TMEM117: variants seen among roughly 807,000 people sequenced by gnomAD.
TMEM117 encodes the protein transmembrane protein 117.
Under a neutral mutation model 52.4 loss-of-function variants are expected in TMEM117, and 27 were observed. The observed-to-expected ratio is 0.51, with a 90% CI of 0.38 to 0.71. The LOEUF is 0.71. Ranked by LOEUF, TMEM117 falls within the 30% of genes least tolerant of loss-of-function variation. The pLI is 0.00. For missense variants in TMEM117, 556 were observed against 630.5 expected, an observed-to-expected ratio of 0.88 and a Z score of 1.26; for synonymous variants, 215 against 206.3, an observed-to-expected ratio of 1.04 and a Z score of -0.36.
At chr12:43,836,890 T>G (rs1943040666) in intron 1 of TMEM117, among the ~76,000 whole-genome samples, 1 of 152,090 alleles carries the variant, frequency 6.6e-6, no homozygotes, top group Non-Finnish European at 1.5e-5. Flanking sequence ...TAAAAGTATG[T>G]TGAATATAAG....
At chr12:44,052,270 A>G (rs1946986174) in intron 3 of TMEM117, among the ~76,000 whole-genome samples, 2 of 152,076 alleles carry the variant, frequency 1.3e-5, no homozygotes. Context: ...GCCATATCTC[A>G]TGACTTTTCT....
chr12:43,805,519 A>G, the TMEM117 span: 2 of 456,182 alleles, frequency 4.4e-6, no homozygotes, highest in Non-Finnish European at 8.8e-6. Flanking sequence ...TGATGAGGTG[A>G]GTACCTGCAG....
the TMEM117 span, among the ~76,000 whole-genome samples, chr12:43,817,373 C>T: frequency 6.6e-6 from 1 of 152,076 alleles, no homozygotes; most frequent in Non-Finnish European, 1.5e-5. Flanking sequence ...AGGAGATATT[C>T]CCTTGATTAT....
intron 6 of TMEM117, among the ~76,000 whole-genome samples, chr12:44,338,610 A>T (rs1520838): frequency 0.58 from 88,244 of 151,886 alleles, 26,016 homozygotes; most frequent in East Asian, 0.9. Context: ...ATTAAAAAAA[A>T]ATATAAATGA....
intron 6 of TMEM117, among the ~76,000 whole-genome samples, chr12:44,330,150 A>G (rs1033415692): frequency 2.0e-5 from 3 of 151,928 alleles, no homozygotes; most frequent in Non-Finnish European, 4.4e-5. Flanking sequence ...ATCCTCTCCA[A>G]CACTGTTATT....
chr12:43,863,976 C>T (rs1204870268), intron 2 of TMEM117, among the ~76,000 whole-genome samples: 3 of 152,192 alleles, frequency 2.0e-5, no homozygotes, highest in South Asian at 2.1e-4. Context: ...ATGGGCTTGG[C>T]GGCCCCACAC....
rs544536468 is a variant in TMEM117, at chr12:44,218,804, A to G, written c.608+7417A>G. On this transcript the variant is annotated intron_variant, in intron 5 of 7. Transcript: ENST00000266534. ...GCAACTATCATTCAGTGCTTCCTGT[A>G]TTCCTGGTACTGGGCTTTTCACATT... Among the ~76,000 whole-genome samples the G allele has an allele frequency of 3.9e-5, 6 of 152,284 alleles. No individual in the cohort carries two copies. The East Asian group carries it at 1.2e-3, about 29-fold the overall frequency.
chr12:44,135,734 T>G (rs1948480696), intron 3 of TMEM117, among the ~76,000 whole-genome samples: 1 of 152,132 alleles, frequency 6.6e-6, no homozygotes, highest in Non-Finnish European at 1.5e-5. Context: ...ACAAGAACAG[T>G]CTCATTTTTC....
intron 3 of TMEM117, among the ~76,000 whole-genome samples, chr12:44,120,760 G>A (rs569037635): frequency 3.3e-5 from 5 of 152,218 alleles, no homozygotes; most frequent in African/African-American, 9.6e-5. Flanking sequence ...TTAGGACCTC[G>A]TCCTGGTTTC....
At chr12:44,288,591 TCA>T (rs983400987) in intron 5 of TMEM117, among the ~76,000 whole-genome samples, 4 of 152,124 alleles carry the variant, frequency 2.6e-5, no homozygotes, top group African/African-American at 9.7e-5. Context: ...CAGGAATCTC[TCA>T]CACAAAATGT....
intron 4 of TMEM117, among the ~76,000 whole-genome samples, chr12:44,180,998 A>G (rs1295521257): frequency 2.6e-5 from 4 of 152,134 alleles, no homozygotes; most frequent in East Asian, 3.9e-4. Flanking sequence ...ATTTCTCCAC[A>G]TCCTCTCCAG....
chr12:44,297,909 T>C (rs1318578842), intron 5 of TMEM117, among the ~76,000 whole-genome samples: 1 of 152,208 alleles, frequency 6.6e-6, no homozygotes, highest in African/African-American at 2.4e-5. Flanking sequence ...TTTAATTCAT[T>C]TGAATTTTTG....
chr12:44,313,863 G>T (rs1436641150), intron 6 of TMEM117, among the ~76,000 whole-genome samples: 1 of 151,888 alleles, frequency 6.6e-6, no homozygotes, highest in African/African-American at 2.4e-5. Context: ...GTGTGGGTGG[G>T]TATTGTAAGT....
chr12:44,277,464 G>A (rs1209576490), intron 5 of TMEM117, among the ~76,000 whole-genome samples: 1 of 152,038 alleles, frequency 6.6e-6, no homozygotes, highest in African/African-American at 2.4e-5. Flanking sequence ...TCAAAAGTTT[G>A]TTGAGACATG....
chr12:44,278,518 T>C (rs531211023), intron 5 of TMEM117, among the ~76,000 whole-genome samples: 13 of 152,352 alleles, frequency 8.5e-5, no homozygotes, highest in African/African-American at 2.9e-4. Context: ...AAGCATGCCA[T>C]ACATATATTA....
intron 3 of TMEM117, among the ~76,000 whole-genome samples, chr12:43,954,040 G>A (rs994965317): frequency 6.6e-6 from 1 of 152,176 alleles, no homozygotes; most frequent in African/African-American, 2.4e-5. Flanking sequence ...TGAACAACCT[G>A]TTCCTGAATG....
chr12:43,857,827 G>A (rs1290174160), intron 2 of TMEM117, among the ~76,000 whole-genome samples: 1 of 152,184 alleles, frequency 6.6e-6, no homozygotes, highest in Non-Finnish European at 1.5e-5. Flanking sequence ...CTTGAGAGGT[G>A]TGATGAACTA....
chr12:44,127,462 AG>A (rs2138156741), intron 3 of TMEM117, among the ~76,000 whole-genome samples: 1 of 152,240 alleles, frequency 6.6e-6, no homozygotes, highest in South Asian at 2.1e-4. Context: ...AAATCACCTG[AG>A]GTCAAGAGTT....
chr12:44,373,637 A>T (rs1023960536), intron 6 of TMEM117, among the ~76,000 whole-genome samples: 1 of 152,102 alleles, frequency 6.6e-6, no homozygotes, highest in Non-Finnish European at 1.5e-5. Context: ...GGAGCTTGTG[A>T]GGCTGACATA....
Sources: allele counts gnomAD v4.1 joint callset (sites outside exome capture counted in the v4.1 genomes callset), GRCh38; gene constraint gnomAD v4.1.1; transcripts MANE v1.5; gene names NCBI Gene and HGNC (gene_info 2026-07-23, HGNC 2026-07-21).